The following STK3 variants were observed in gnomAD, a reference collection of about 807,000 sequenced individuals.
STK3 encodes serine/threonine-protein kinase 3.
Under a neutral mutation model 58.0 loss-of-function variants are expected in STK3, and 41 were observed. The observed-to-expected ratio is 0.71, with a 90% CI of 0.55 to 0.92. STK3 has a LOEUF of 0.92. Ranked by LOEUF, STK3 falls within the 40% of genes least tolerant of loss-of-function variation. STK3 has a pLI of 0.00. For missense variants in STK3, 479 were observed against 602.7 expected, an observed-to-expected ratio of 0.79 and a Z score of 2.15; for synonymous variants, 170 against 191.0, an observed-to-expected ratio of 0.89 and a Z score of 0.91.
intron 3 of STK3, chr8:98,427,065 G>A (rs1249824596): frequency 3.3e-5 from 5 of 150,628 alleles, no homozygotes; most frequent in Non-Finnish European, 7.4e-5. Context: ...CTGGGTGGGT[G>A]AGGGGCGCGC....
At chr8:98,608,666 C>T (rs1006672242) in intron 6 of STK3, among the ~76,000 whole-genome samples, 1 of 152,150 alleles carries the variant, frequency 6.6e-6, no homozygotes, top group Non-Finnish European at 1.5e-5. Flanking sequence ...GGTAATGTGT[C>T]TCCATTCTGT....
At chr8:98,940,312 C>G (rs376787559) in intron 1 of STK3, among the ~76,000 whole-genome samples, 47 of 152,374 alleles carry the variant, frequency 3.1e-4, no homozygotes, top group African/African-American at 1.0e-3. Flanking sequence ...TGCGCCGGCT[C>G]TGGGCTCCGC....
chr8:98,413,703 GC>G, intron 3 of STK3: 1 of 949,438 alleles, frequency 1.1e-6, no homozygotes, highest in Non-Finnish European at 1.7e-6. Context: ...GTTTAGAAAA[GC>G]CACCGTTCTT....
downstream of STK3, among the ~76,000 whole-genome samples, chr8:98,453,940 C>T (rs1260967434): frequency 6.6e-6 from 1 of 152,170 alleles, no homozygotes; most frequent in African/African-American, 2.4e-5. Flanking sequence ...CCCCAACAGA[C>T]TCCAGTATAG....
At chr8:98,614,076 T>C (rs577350881) in intron 6 of STK3, among the ~76,000 whole-genome samples, 1 of 152,108 alleles carries the variant, frequency 6.6e-6, no homozygotes, top group African/African-American at 2.4e-5. Flanking sequence ...GAGAAATAGA[T>C]AAATTCACCA....
intron 7 of STK3, among the ~76,000 whole-genome samples, chr8:98,581,111 C>T (rs544946371): frequency 6.6e-6 from 1 of 152,278 alleles, no homozygotes; most frequent in South Asian, 2.1e-4. Context: ...CTCAACTTAA[C>T]CCATTCAGGT....
intron 10 of STK3, among the ~76,000 whole-genome samples, chr8:98,461,422 A>AT (rs996258207): frequency 1.7e-4 from 26 of 152,070 alleles, no homozygotes; most frequent in African/African-American, 6.3e-4. Context: ...GTGGTTTGTA[A>AT]TTTTTTATCA....
intron 3 of STK3, among the ~76,000 whole-genome samples, chr8:98,852,284 A>G (rs1232590967): frequency 6.6e-6 from 1 of 151,962 alleles, no homozygotes; most frequent in Non-Finnish European, 1.5e-5. Flanking sequence ...ACAGGTGCCC[A>G]CACCATGCCT....
intron 1 of STK3, among the ~76,000 whole-genome samples, chr8:98,798,358 A>G (rs1833312744): frequency 6.6e-6 from 1 of 152,224 alleles, no homozygotes; most frequent in Non-Finnish European, 1.5e-5. Flanking sequence ...GGCAAACACA[A>G]TATAATGTAC....
intron 6 of STK3, among the ~76,000 whole-genome samples, chr8:98,604,221 G>A (rs1266097131): frequency 6.6e-6 from 1 of 152,242 alleles, no homozygotes; most frequent in Non-Finnish European, 1.5e-5. Context: ...CACCACTTCA[G>A]ATGTAGCCTA....
At chr8:98,775,392 C>T (rs1831609526) in intron 1 of STK3, among the ~76,000 whole-genome samples, 1 of 152,158 alleles carries the variant, frequency 6.6e-6, no homozygotes, top group Admixed American at 6.5e-5. Flanking sequence ...CATGCATGCA[C>T]AGATTCTCCC....
Position 98,844,475 on chromosome 8 carries a change from G to GTT in STK3, c.110+39170_110+39171dup, listed in dbSNP as rs71273146. On this transcript the variant is annotated intron_variant, in intron 3 of 12. Transcript: ENST00000523601. The stretch of plus-strand genomic sequence containing the variant: ...CTTGGTTTTGTGTGTGTGTGTTTTT[G>GTT]TTTTTTTTGAGACAGGGATTGGCTC... Among the ~76,000 whole-genome samples the GTT allele has an allele frequency of 5.9e-3, 899 of 151,628 alleles. 9 individuals carry two copies. The highest frequency in any genetic ancestry group is 0.019 in the African/African-American group (803 of 41,312).
intron 10 of STK3, among the ~76,000 whole-genome samples, chr8:98,491,747 C>T (rs897907171): frequency 6.6e-6 from 1 of 152,042 alleles, no homozygotes; most frequent in Non-Finnish European, 1.5e-5. Context: ...TCTTAAAAAC[C>T]AGGAGGACAG....
chr8:98,556,797 T>C (rs938750102), intron 8 of STK3, among the ~76,000 whole-genome samples: 21 of 151,964 alleles, frequency 1.4e-4, no homozygotes, highest in African/African-American at 5.1e-4. Context: ...CTAAAAAGGG[T>C]CATATAGTAA....
intron 1 of STK3, among the ~76,000 whole-genome samples, chr8:98,824,194 T>C (rs533662788): frequency 1.6e-4 from 24 of 152,328 alleles, no homozygotes; most frequent in African/African-American, 5.5e-4. Context: ...AATAAGACTC[T>C]GAATAAGCTA....
intron 3 of STK3, among the ~76,000 whole-genome samples, chr8:98,873,540 G>A (rs1222664059): frequency 3.9e-5 from 6 of 152,260 alleles, no homozygotes; most frequent in Admixed American, 3.9e-4. Flanking sequence ...GGGTGCATAT[G>A]TATTTAGGAT....
intron 1 of STK3, among the ~76,000 whole-genome samples, chr8:98,775,568 C>G (rs1288710245): frequency 6.6e-6 from 1 of 152,072 alleles, no homozygotes; most frequent in Non-Finnish European, 1.5e-5. Context: ...TGTTGAAAAT[C>G]TGAGTAAGTG....
intron 9 of STK3, among the ~76,000 whole-genome samples, chr8:98,546,898 G>A (rs1810742246): frequency 6.6e-6 from 1 of 152,076 alleles, no homozygotes; most frequent in South Asian, 2.1e-4. Flanking sequence ...CAACCATAGT[G>A]GGCTACACAG....
intron 4 of STK3, among the ~76,000 whole-genome samples, chr8:98,713,941 T>C (rs1224340251): frequency 6.6e-6 from 1 of 152,200 alleles, no homozygotes; most frequent in African/African-American, 2.4e-5. Flanking sequence ...CATGATCAAG[T>C]TGGATTCATC....
Sources: gnomAD v4.1 joint callset for allele counts (sites outside exome capture counted in the v4.1 genomes callset) on GRCh38, gnomAD v4.1.1 for gene constraint, MANE v1.5 for transcripts, NCBI Gene and HGNC (gene_info 2026-07-23, HGNC 2026-07-21) for gene names.